The following NRG3 variants were observed in gnomAD, a reference collection of about 807,000 sequenced individuals.
The protein encoded by NRG3 is pro-neuregulin-3, membrane-bound isoform.
A neutral mutation model predicts 66.9 loss-of-function variants in NRG3; 31 were observed. That is an observed-to-expected ratio of 0.46 (90% CI 0.35 to 0.63). The LOEUF (loss-of-function observed/expected upper bound fraction) is 0.63. Among genes scored for constraint, NRG3 ranks in the 20% least tolerant of loss-of-function variants. NRG3 has a pLI of 0.00. For missense variants in NRG3, 910 were observed against 878.9 expected (o/e 1.04, Z -0.45); for synonymous variants, 393 against 359.4 (o/e 1.09, Z -1.06).
chr10:82,900,344 A>G (rs887235783), intron 4 of NRG3, among the ~76,000 whole-genome samples: 1 of 152,152 alleles, frequency 6.6e-6, no homozygotes, highest in Non-Finnish European at 1.5e-5. Flanking sequence ...TTTTATTTTG[A>G]TAGTGTTACT....
At position 82,865,473 on chromosome 10, in the gene NRG3, A is replaced by C. The variant is rs1381469796; in HGVS notation, c.1054+36A>C. On this transcript the variant is annotated intron_variant, in intron 4 of 8. Transcript: ENST00000372141. ...ACAATTTGCTCATTTAATATCCTGG[A>C]AATGCTAAGCTTTATGATGTACATA... 3.7e-6 allele frequency: 6 copies of C among 1,602,658 alleles called. No homozygotes were observed. The South Asian group carries it at 5.6e-5, about 15-fold the overall frequency.
rs184505549 is a variant in NRG3 at position 82,858,498 on chromosome 10, A to G, written c.1028-6913A>G. 2.6e-4 allele frequency among the ~76,000 whole-genome samples: 40 copies of G among 152,294 alleles called. 1 individual carries two copies. In the East Asian group the frequency reaches 4.1e-3, roughly 15 times the overall value. On this transcript the variant is annotated intron_variant, in intron 3 of 8. Transcript: ENST00000372141. ...TTTCTTTACAATGATTTTAGAAACT[A>G]CTAGAGCATGATGAGCTCAGGTGTT... is the stretch of plus-strand genomic sequence containing the variant.
At chr10:82,280,553 C>T (rs1447928372) in intron 1 of NRG3, among the ~76,000 whole-genome samples, 1 of 152,188 alleles carries the variant, frequency 6.6e-6, no homozygotes, top group African/African-American at 2.4e-5. Context: ...GATGACCAAA[C>T]ACACTCTCCA....
intron 1 of NRG3, among the ~76,000 whole-genome samples, chr10:82,296,506 A>C (rs2080072504): frequency 6.6e-6 from 1 of 152,198 alleles, no homozygotes; most frequent in Non-Finnish European, 1.5e-5. Context: ...AAATTTGCTT[A>C]ATTGTTAATT....
intron 1 of NRG3, among the ~76,000 whole-genome samples, chr10:82,116,155 A>G (rs1180181622): frequency 6.6e-6 from 1 of 152,102 alleles, no homozygotes; most frequent in Admixed American, 6.6e-5. Context: ...TAATGACTAC[A>G]TTATTCCAAA....
At chr10:82,664,669 A>C in intron 2 of NRG3, among the ~76,000 whole-genome samples, 1 of 151,964 alleles carries the variant, frequency 6.6e-6, no homozygotes, top group East Asian at 1.9e-4. Context: ...GAACTCATAA[A>C]ATTTGATGGA....
intron 1 of NRG3, among the ~76,000 whole-genome samples, chr10:82,205,447 G>A (rs1432650840): frequency 2.0e-5 from 3 of 152,116 alleles, no homozygotes; most frequent in Admixed American, 6.5e-5. Flanking sequence ...TTACGTCCAC[G>A]AATATAGAAG....
intron 2 of NRG3, among the ~76,000 whole-genome samples, chr10:82,702,499 T>G (rs1299220139): frequency 6.6e-6 from 1 of 152,182 alleles, no homozygotes; most frequent in African/African-American, 2.4e-5. Context: ...TTGTGCATAT[T>G]ATGCATACAC....
intron 4 of NRG3, among the ~76,000 whole-genome samples, chr10:82,895,554 G>A (rs1349147578): frequency 4.9e-5 from 7 of 144,104 alleles, no homozygotes; most frequent in African/African-American, 5.2e-5. Flanking sequence ...GCAGTGGCAC[G>A]ATCTCGGCTC....
At chr10:82,877,243 C>T (rs902035352) in intron 4 of NRG3, among the ~76,000 whole-genome samples, 7 of 152,022 alleles carry the variant, frequency 4.6e-5, no homozygotes, top group African/African-American at 7.2e-5. Flanking sequence ...GCTTTGTGGG[C>T]TCATGATGGT....
At chr10:82,471,890 G>GA (rs71009809) in intron 2 of NRG3, among the ~76,000 whole-genome samples, 83,232 of 145,490 alleles carry the variant, frequency 0.57, 26,559 homozygotes, top group South Asian at 0.76. Flanking sequence ...ACTCCATCTC[G>GA]AAAAAAAAAA....
At chr10:82,979,709 G>T (rs987693615) in intron 8 of NRG3, among the ~76,000 whole-genome samples, 3 of 152,184 alleles carry the variant, frequency 2.0e-5, no homozygotes, top group Non-Finnish European at 2.9e-5. Context: ...GGTGGACACA[G>T]ATCCATAGAG....
At chr10:82,449,942 A>C (rs1303177242) in intron 2 of NRG3, among the ~76,000 whole-genome samples, 3 of 152,186 alleles carry the variant, frequency 2.0e-5, no homozygotes, top group African/African-American at 7.2e-5. Flanking sequence ...CTCCATAACA[A>C]GACACTAGCC....
intron 1 of NRG3, among the ~76,000 whole-genome samples, chr10:82,238,371 A>G (rs1188734435): frequency 6.6e-6 from 1 of 152,198 alleles, no homozygotes; most frequent in Non-Finnish European, 1.5e-5. Context: ...TTACGTTTTT[A>G]CTCATTTAAT....
intron 2 of NRG3, among the ~76,000 whole-genome samples, chr10:82,431,869 T>C (rs899251128): frequency 2.5e-4 from 38 of 152,192 alleles, no homozygotes; most frequent in African/African-American, 8.7e-4. Flanking sequence ...TGAGTGATTT[T>C]ACATAGAAAG....
intron 2 of NRG3, among the ~76,000 whole-genome samples, chr10:82,488,922 T>A (rs1842892229): frequency 6.6e-6 from 1 of 152,254 alleles, no homozygotes; most frequent in Non-Finnish European, 1.5e-5. Context: ...TGTGAATTTT[T>A]AAAAATGAAA....
At chr10:82,332,592 T>G (rs1346445705) in intron 1 of NRG3, among the ~76,000 whole-genome samples, 1 of 152,168 alleles carries the variant, frequency 6.6e-6, no homozygotes, top group Non-Finnish European at 1.5e-5. Context: ...ATGGCAGCCC[T>G]ATGGTTAGAT....
At chr10:82,044,562 A>AT (rs996919056) in intron 1 of NRG3, among the ~76,000 whole-genome samples, 9 of 151,794 alleles carry the variant, frequency 5.9e-5, no homozygotes, top group African/African-American at 1.9e-4. Context: ...TAACGAAATA[A>AT]TTTTTTTTAA....
intron 1 of NRG3, among the ~76,000 whole-genome samples, chr10:82,047,414 C>T (rs1211346420): frequency 1.3e-5 from 2 of 152,092 alleles, no homozygotes; most frequent in Admixed American, 6.6e-5. Flanking sequence ...GGCAGAACCT[C>T]TACAAGCCAG....
Sources: allele counts gnomAD v4.1 joint callset (sites outside exome capture counted in the v4.1 genomes callset), GRCh38; gene constraint gnomAD v4.1.1; transcripts MANE v1.5; gene names NCBI Gene and HGNC (gene_info 2026-07-23, HGNC 2026-07-21).